SYTL3: variants seen among roughly 807,000 people sequenced by gnomAD.
The protein encoded by SYTL3 is synaptotagmin-like protein 3.
SYTL3 carries 88 observed loss-of-function variants against 82.1 expected under a neutral mutation model. The ratio of observed to expected loss-of-function variants is 1.07; its 90% CI spans 0.90 to 1.28. The LOEUF is 1.28. Among genes scored for constraint, SYTL3 ranks in the 50% most tolerant of loss-of-function variants. The pLI is 0.00. For synonymous variants in SYTL3, 311 were observed against 289.4 expected (o/e 1.07, Z -0.76); for missense variants, 831 against 757.6 (o/e 1.10, Z -1.14).
At position 158,657,425 on chromosome 6, in the gene SYTL3, CAA is replaced by C. The variant is rs535361947; in HGVS notation, c.-636-3824_-636-3823del. 7.2e-3 allele frequency among the ~76,000 whole-genome samples: 580 copies of C among 80,084 alleles called. 2 individuals are homozygous for C. Among genetic ancestry groups the C allele is most frequent in the African/African-American group, 0.027 (524 of 19,754 alleles). The allele number at this position is 80,084 out of a possible 152,430, so 52.5% of individuals were successfully genotyped here. ...TGGGTGGCAGAGCGAGACTCTGGCT[CAA>C]AAAAAAAAAAAAAAAAAAAGAGAGA... On this transcript the variant is annotated intron_variant, in intron 2 of 17. Transcript: ENST00000611299.
At chr6:158,728,602 G>T (rs1277522500) in intron 11 of SYTL3, among the ~76,000 whole-genome samples, 1 of 152,186 alleles carries the variant, frequency 6.6e-6, no homozygotes, top group Non-Finnish European at 1.5e-5. Context: ...TATTCTCTGT[G>T]TATAGGTAGG....
At chr6:158,674,033 G>A (rs1051094971) in intron 5 of SYTL3, among the ~76,000 whole-genome samples, 7 of 150,130 alleles carry the variant, frequency 4.7e-5, no homozygotes, top group Non-Finnish European at 5.9e-5. Flanking sequence ...GCAATGAGCC[G>A]AGATCGCACC....
rs768652602 is a variant in SYTL3, at chr6:158,763,486, T to C, written c.1700T>C (p.Leu567Pro). The part of the protein sequence containing the change: ...QALFGMNDRL[L>P]GGTRLGSKGD... The stretch of plus-strand genomic sequence containing the variant: ...CTCTTTGGAATGAACGACCGCTTGC[T>C]TGGAGGAACCAGACTTGGTTCAAGT... Residue 567 changes from leucine to proline, a missense_variant, in exon 17 of 18, where the codon CTT becomes CCT. Leu to Pro is a moderately conservative substitution (Grantham distance 98, BLOSUM62 -3). Coordinates refer to ENST00000611299, the MANE Select transcript of SYTL3 (RefSeq NM_001242394.2). 3 of 1,614,202 alleles carry C rather than the reference T, an allele frequency of 1.9e-6. No homozygotes were observed. Among genetic ancestry groups the C allele is most frequent in the Non-Finnish European group, 2.5e-6 (3 of 1,180,028 alleles).
At chr6:158,675,053 T>G in intron 5 of SYTL3, among the ~76,000 whole-genome samples, 1 of 152,128 alleles carries the variant, frequency 6.6e-6, no homozygotes, top group East Asian at 1.9e-4. Context: ...TATACAAAAA[T>G]TAATTCAACA....
chr6:158,748,516 G>C (rs116887719), intron 12 of SYTL3, among the ~76,000 whole-genome samples: 1 of 152,064 alleles, frequency 6.6e-6, no homozygotes, highest in Non-Finnish European at 1.5e-5. Context: ...AAAAGAAAAA[G>C]ACTTAAAATG....
At chr6:158,735,786 A>G (rs1007346575) in intron 11 of SYTL3, among the ~76,000 whole-genome samples, 2 of 152,218 alleles carry the variant, frequency 1.3e-5, no homozygotes, top group African/African-American at 4.8e-5. Context: ...ACTTTAGTAA[A>G]TTTTAAAAAT....
chr6:158,715,949 G>A (rs1783371374), intron 9 of SYTL3, among the ~76,000 whole-genome samples: 1 of 152,184 alleles, frequency 6.6e-6, no homozygotes, highest in South Asian at 2.1e-4. Context: ...AGGAAGATTG[G>A]CACCTGAGGT....
intron 12 of SYTL3, among the ~76,000 whole-genome samples, chr6:158,747,338 T>C (rs910759252): frequency 1.2e-4 from 19 of 152,126 alleles, no homozygotes; most frequent in African/African-American, 4.6e-4. Context: ...CATTTTTCTT[T>C]TTAAAAATTT....
chr6:158,695,534 G>A (rs1780467190), intron 6 of SYTL3, among the ~76,000 whole-genome samples: 1 of 152,040 alleles, frequency 6.6e-6, no homozygotes, highest in Non-Finnish European at 1.5e-5. Context: ...TAAAATTGTG[G>A]CAAAATATGC....
intron 2 of SYTL3, among the ~76,000 whole-genome samples, chr6:158,656,939 A>G (rs1788749492): frequency 6.6e-6 from 1 of 152,218 alleles, no homozygotes; most frequent in African/African-American, 2.4e-5. Flanking sequence ...TGTTTTATCC[A>G]TTTTTAAGAC....
chr6:158,756,719 A>ATTTTTTT (rs758259824), intron 13 of SYTL3, among the ~76,000 whole-genome samples: 84 of 48,564 alleles, frequency 1.7e-3, no homozygotes, highest in South Asian at 6.6e-3. Flanking sequence ...TCAAAAAAAA[A>ATTTTTTT]TTTTTTTTTT....
intron 12 of SYTL3, among the ~76,000 whole-genome samples, chr6:158,746,533 T>G (rs2054802): frequency 0.54 from 80,431 of 149,190 alleles, 22,582 homozygotes; most frequent in African/African-American, 0.61. Context: ...TGGCGCAATC[T>G]CGGCTCACTG....
At chr6:158,645,922 G>A (rs1433503917), upstream of SYTL3, among the ~76,000 whole-genome samples, 1 of 152,086 alleles carries the variant, frequency 6.6e-6, no homozygotes, top group Non-Finnish European at 1.5e-5. Context: ...TAAGGTAGCC[G>A]ACCTCCTCAT....
At chr6:158,679,783 T>C (rs978995825) in intron 5 of SYTL3, among the ~76,000 whole-genome samples, 1 of 152,214 alleles carries the variant, frequency 6.6e-6, no homozygotes, top group African/African-American at 2.4e-5. Flanking sequence ...CTGGAGTCCT[T>C]TCAATGATTT....
intron 5 of SYTL3, 141 bp from the exon 6 acceptor site, chr6:158,682,784 A>C: frequency 1.6e-6 from 1 of 624,920 alleles, no homozygotes; most frequent in East Asian, 2.8e-5. Context: ...CTGTAAATTT[A>C]AGTGTTTAAG....
At chr6:158,652,703 G>A (rs765577405) in intron 2 of SYTL3, among the ~76,000 whole-genome samples, 2 of 151,606 alleles carry the variant, frequency 1.3e-5, no homozygotes, top group African/African-American at 2.4e-5. Context: ...CACCATGCCC[G>A]GCTAATTTTT....
intron 2 of SYTL3, among the ~76,000 whole-genome samples, chr6:158,653,404 G>A (rs1256718729): frequency 6.6e-6 from 1 of 152,158 alleles, no homozygotes; most frequent in African/African-American, 2.4e-5. Flanking sequence ...TACTCGGGAG[G>A]TTGAGGCAGG....
At chr6:158,730,536 G>C (rs61443539) in intron 11 of SYTL3, among the ~76,000 whole-genome samples, 1 of 152,160 alleles carries the variant, frequency 6.6e-6, no homozygotes, top group Non-Finnish European at 1.5e-5. Flanking sequence ...TCTCTCATGA[G>C]GAGGCGCCCC....
Position 158,764,496 on chromosome 6 carries a change from G to GA in SYTL3, c.1725_1726insA (p.Gly576ArgfsTer38). ...CTAAATTGTCTTCCTCTCTTACAGA[G>GA]GGAGACACAGCTGTTGGCGGGGATG... On this transcript the variant is annotated frameshift_variant and splice_region_variant, in exon 18 of 18. Coordinates refer to ENST00000611299, the MANE Select transcript of SYTL3 (RefSeq NM_001242394.2). LOFTEE classifies it low-confidence loss of function (END_TRUNC). The GA allele has an allele frequency of 6.2e-7, 1 of 1,612,442 alleles. No individual in the cohort carries two copies. The highest frequency in any genetic ancestry group is 1.1e-5 in the South Asian group (1 of 91,030).
Sources: gnomAD v4.1 joint callset for allele counts (sites outside exome capture counted in the v4.1 genomes callset) on GRCh38, gnomAD v4.1.1 for gene constraint, MANE v1.5 for transcripts, NCBI Gene and HGNC (gene_info 2026-07-23, HGNC 2026-07-21) for gene names.